The following GRHL2 variants were observed in gnomAD, a reference collection of about 807,000 sequenced individuals.
GRHL2 encodes the protein grainyhead-like protein 2 homolog.
A neutral mutation model predicts 83.8 loss-of-function variants in GRHL2; 21 were observed. The observed-to-expected ratio is 0.25, with a 90% CI of 0.18 to 0.36. The LOEUF is 0.36. GRHL2 is among the 10% of genes least tolerant of loss of function. The pLI is 1.00. For synonymous variants in GRHL2, 280 were observed against 278.9 expected (o/e 1.00, Z -0.04); for missense variants, 623 against 781.8 (o/e 0.80, Z 2.42).
chr8:101,515,647 G>C (rs1277061588), intron 1 of GRHL2, among the ~76,000 whole-genome samples: 1 of 152,064 alleles, frequency 6.6e-6, no homozygotes, highest in Non-Finnish European at 1.5e-5. Context: ...TTGGATGGGG[G>C]GTGATTTCCA....
intron 11 of GRHL2, 128 bp from the exon 12 acceptor site, chr8:101,636,769 T>TACAC (rs1813296206): frequency 3.0e-6 from 2 of 668,278 alleles, no homozygotes; most frequent in African/African-American, 4.0e-5. Context: ...ACACACACTG[T>TACAC]TATTAAACAG....
At chr8:101,600,119 G>A (rs1812480071) in intron 8 of GRHL2, among the ~76,000 whole-genome samples, 1 of 152,186 alleles carries the variant, frequency 6.6e-6, no homozygotes, top group African/African-American at 2.4e-5. Context: ...TGCAGGCACG[G>A]CCACAGAAGA....
chr8:101,616,338 T>G (rs963601158), intron 8 of GRHL2, among the ~76,000 whole-genome samples: 2 of 151,894 alleles, frequency 1.3e-5, no homozygotes, highest in African/African-American at 4.8e-5. Flanking sequence ...ACCCAGCTAA[T>G]TTTTGTATTT....
chr8:101,569,149 G>T (rs1414744553), intron 4 of GRHL2, among the ~76,000 whole-genome samples: 1 of 152,168 alleles, frequency 6.6e-6, no homozygotes, highest in African/African-American at 2.4e-5. Flanking sequence ...TCAATGAAAT[G>T]CTTTTTCATC....
At chr8:101,655,683 T>G (rs1355593073) in intron 14 of GRHL2, among the ~76,000 whole-genome samples, 1 of 152,230 alleles carries the variant, frequency 6.6e-6, no homozygotes, top group Non-Finnish European at 1.5e-5. Context: ...TAGACTATTT[T>G]TCTTTTCATT....
chr8:101,554,579 A>G (rs1054330513), intron 3 of GRHL2, among the ~76,000 whole-genome samples: 4 of 152,180 alleles, frequency 2.6e-5, no homozygotes, highest in Non-Finnish European at 5.9e-5. Context: ...ATTAATTATG[A>G]CTTAGAGTTT....
At chr8:101,661,973 C>T (rs1230862844) in intron 14 of GRHL2, among the ~76,000 whole-genome samples, 1 of 152,190 alleles carries the variant, frequency 6.6e-6, no homozygotes, top group Non-Finnish European at 1.5e-5. Context: ...ATGCTCTATC[C>T]TTTTGCTTTG....
chr8:101,600,654 GC>G (rs1473466050), intron 8 of GRHL2, among the ~76,000 whole-genome samples: 11 of 152,290 alleles, frequency 7.2e-5, no homozygotes, highest in African/African-American at 2.6e-4. Context: ...ACCTCTCTGG[GC>G]CTCGGTTCTG....
chr8:101,583,440 G>A (rs1812097225), intron 7 of GRHL2, among the ~76,000 whole-genome samples: 1 of 152,230 alleles, frequency 6.6e-6, no homozygotes. Flanking sequence ...GAAAAGCACA[G>A]CTTTGCTAAC....
chr8:101,646,739 C>T (rs1183477705), intron 13 of GRHL2, among the ~76,000 whole-genome samples: 1 of 152,206 alleles, frequency 6.6e-6, no homozygotes, highest in Non-Finnish European at 1.5e-5. Flanking sequence ...CATGTGGCCA[C>T]CTGCCTTTGG....
chr8:101,564,787 G>C (rs1476495624), intron 4 of GRHL2, among the ~76,000 whole-genome samples: 1 of 144,986 alleles, frequency 6.9e-6, no homozygotes, highest in Non-Finnish European at 1.5e-5. Flanking sequence ...ACTCCAACTT[G>C]GGTGACAGAG....
At chr8:101,562,307 T>C in intron 4 of GRHL2, 1 of 626,462 alleles carries the variant, frequency 1.6e-6, no homozygotes, top group Non-Finnish European at 2.8e-6. Context: ...CCGTAAGCCC[T>C]TTACCAGCTG....
intron 1 of GRHL2, among the ~76,000 whole-genome samples, chr8:101,536,322 AAG>A (rs1326304202): frequency 2.0e-5 from 3 of 152,320 alleles, no homozygotes; most frequent in African/African-American, 7.2e-5. Context: ...ATATGGATCA[AAG>A]AGGGGAAAGT....
chr8:101,586,005 C>CA (rs1344626143), intron 7 of GRHL2, among the ~76,000 whole-genome samples: 1 of 151,776 alleles, frequency 6.6e-6, no homozygotes, highest in Non-Finnish European at 1.5e-5. Flanking sequence ...AGTCCCTGAT[C>CA]CCTGCAGACT....
intron 8 of GRHL2, among the ~76,000 whole-genome samples, chr8:101,607,262 C>T (rs887341129): frequency 9.9e-5 from 15 of 152,168 alleles, no homozygotes; most frequent in Non-Finnish European, 1.8e-4. Context: ...AAATGGATGG[C>T]GTTCTTAATC....
intron 1 of GRHL2, chr8:101,529,467 G>A: frequency 6.1e-6 from 1 of 163,218 alleles, no homozygotes; most frequent in Non-Finnish European, 1.3e-5. Context: ...GCCTTTTGAT[G>A]GCATCTTGTT....
intron 1 of GRHL2, among the ~76,000 whole-genome samples, chr8:101,518,693 G>C (rs1810621390): frequency 6.6e-6 from 1 of 152,164 alleles, no homozygotes; most frequent in African/African-American, 2.4e-5. Context: ...CAATGAGTTA[G>C]CTCTGCAAGT....
intron 4 of GRHL2, among the ~76,000 whole-genome samples, chr8:101,561,020 T>C (rs566550429): frequency 1.3e-3 from 197 of 152,266 alleles, no homozygotes; most frequent in Admixed American, 3.1e-3. Context: ...TTTTATAGTT[T>C]ATGCATTTGT....
chr8:101,499,388 C>A (rs904854488), intron 1 of GRHL2, among the ~76,000 whole-genome samples: 1 of 152,028 alleles, frequency 6.6e-6, no homozygotes, highest in Non-Finnish European at 1.5e-5. Flanking sequence ...TCTTCTTGTT[C>A]CCTCCTTCCC....
Sources: allele counts gnomAD v4.1 joint callset (sites outside exome capture counted in the v4.1 genomes callset), GRCh38; gene constraint gnomAD v4.1.1; transcripts MANE v1.5; gene names NCBI Gene and HGNC (gene_info 2026-07-23, HGNC 2026-07-21).